CRYGB: variants seen among roughly 807,000 people sequenced by gnomAD.
The protein encoded by CRYGB is gamma-crystallin B.
In CRYGB, 19 loss-of-function variants were observed where a neutral mutation model predicts 21.3. The observed-to-expected ratio is 0.89, with a 90% confidence interval of 0.62 to 1.31. The LOEUF (loss-of-function observed/expected upper bound fraction) is 1.31, where lower values mean the gene tolerates loss of function less well. CRYGB is among the 50% of genes most tolerant of loss of function. The probability of loss-of-function intolerance (pLI) is 0.00; values close to 1 mark genes in which losing one functional copy is unlikely to be tolerated. For synonymous variants in CRYGB, 81 were observed against 81.2 expected (o/e 1.00, Z 0.01); for missense variants, 254 against 228.4 (o/e 1.11, Z -0.72).
chr2:208,143,389 T>A (rs1428923101), intron 2 of CRYGB, among the ~76,000 whole-genome samples: 1 of 152,226 alleles, frequency 6.6e-6, no homozygotes, highest in Non-Finnish European at 1.5e-5. Flanking sequence ...AATGCATCTC[T>A]GATTGCTTCC....
At chr2:208,145,283 A>G (rs62194791) in intron 2 of CRYGB, among the ~76,000 whole-genome samples, 65,899 of 151,294 alleles carry the variant, frequency 0.44, 14,730 homozygotes, top group South Asian at 0.5. Flanking sequence ...TCACTCTGTC[A>G]CCAGGCTGGA....
rs762107192 is a variant in CRYGB, at chr2:208,145,828, G to A, written c.198C>T (p.Tyr66=). ...YFLRRGEYPD[Y]QQWMGLSDSI... is the part of the protein sequence containing the mutation. The stretch of plus-strand genomic sequence containing the variant: ...AGTCGCTGAGGCCCATCCATTGCTG[G>A]TAGTCAGGGTACTCCCCACGCCGCA... Residue 66 remains tyrosine, a synonymous_variant, in exon 2 of 3, where the codon TAC becomes TAT. Coordinates refer to ENST00000260988, the MANE Select transcript of CRYGB (RefSeq NM_005210.4). The A allele has an allele frequency of 8.1e-6, 13 of 1,614,024 alleles. No individual in the cohort carries two copies. The highest frequency in any genetic ancestry group is 1.3e-5 in the African/African-American group (1 of 75,000).
At chr2:208,145,385 T>A (rs1199532556) in intron 2 of CRYGB, among the ~76,000 whole-genome samples, 3 of 151,634 alleles carry the variant, frequency 2.0e-5, no homozygotes, top group African/African-American at 7.3e-5. Flanking sequence ...TAGCTGGGAT[T>A]TAAGAATAAT....
In CRYGB at chr2:208,142,819, C is replaced by T. The variant is rs548066116; in HGVS notation, c.347G>A (p.Arg116His). ...LTDDCISVQDRFHLTEIHSLN... is the reference protein window; with the variant it reads ...LTDDCISVQDHFHLTEIHSLN... ...GGAGTGAATTTCAGTGAGGTGGAAG[C>T]GGTCCTGAACAGAGATACAGTCGTC... The change falls in exon 3 of 3, where the codon CGC (arginine) becomes CAC (histidine). Residue 116 changes from arginine (R) to histidine (H), a missense_variant. Physicochemically the swap from Arg to His is conservative, Grantham distance 29 (BLOSUM62 0). Coordinates refer to ENST00000260988, the MANE Select transcript of CRYGB (RefSeq NM_005210.4). 1.4e-5 allele frequency: 22 copies of T among 1,614,166 alleles called. No homozygotes were observed. The African/African-American group carries it at 1.5e-4, about 11-fold the overall frequency.
Position 208,142,905 on chromosome 2 carries a change from G to A in CRYGB, c.261C>T (p.Gly87=), listed in dbSNP as rs879516581. 4 of 1,599,988 alleles carry A rather than the reference G, an allele frequency of 2.5e-6. No individual in the cohort carries two copies. Among genetic ancestry groups the A allele is most frequent in the African/African-American group, 1.3e-5 (1 of 74,420 alleles). Residue 87 remains glycine, a synonymous_variant, in exon 3 of 3, where the codon GGC becomes GGT. Transcript: ENST00000260988. ...RSCCLIPPHS[G]AYRMKIYDRD... The stretch of plus-strand genomic sequence containing the variant: ...TGTCGTAGATCTTCATTCTGTAAGC[G>A]CCAGAGTGCTGGAGTGGCAGACAGA...
intron 2 of CRYGB, among the ~76,000 whole-genome samples, chr2:208,143,202 G>C (rs1695389036): frequency 6.6e-6 from 1 of 152,172 alleles, no homozygotes; most frequent in South Asian, 2.1e-4. Context: ...TCTCAAAGGA[G>C]AAAACTGAGA....
At position 208,142,835 on chromosome 2, in the gene CRYGB, T is replaced by G. The variant is rs796287; in HGVS notation, c.331A>C (p.Ile111Leu). The G allele has an allele frequency of 0.72, 1,167,097 of 1,613,576 alleles. 424,582 individuals are homozygous for G. Among genetic ancestry groups the G allele is most frequent in the Non-Finnish European group, 0.74 (877,645 of 1,179,842 alleles). Residue 111 changes from isoleucine to leucine, a missense_variant, in exon 3 of 3, where the codon ATC (isoleucine) becomes CTC (leucine). Transcript: ENST00000260988. ...GQMSELTDDC[I>L]SVQDRFHLTE... is the part of the protein sequence containing the mutation. The stretch of plus-strand genomic sequence containing the variant: ...AGGTGGAAGCGGTCCTGAACAGAGA[T>G]ACAGTCGTCTGTGAGCTCTGACATT...
chr2:208,145,568 A>G, intron 2 of CRYGB, among the ~76,000 whole-genome samples: 1 of 151,434 alleles, frequency 6.6e-6, no homozygotes, highest in Non-Finnish European at 1.5e-5. Context: ...GCATGCCTGT[A>G]ATCCCAACTA....
At chr2:208,143,026 G>T in intron 2 of CRYGB, 113 bp from the exon 3 acceptor site, 6 of 1,237,748 alleles carry the variant, frequency 4.8e-6, no homozygotes, top group Non-Finnish European at 6.6e-6. Flanking sequence ...CCCAGGCCAA[G>T]TTTGCTTCTA....
chr2:208,145,753 C>A, intron 2 of CRYGB, 21 bp downstream of exon 2: 1 of 1,574,946 alleles, frequency 6.3e-7, no homozygotes, highest in South Asian at 1.1e-5. Context: ...AGATGGAAGG[C>A]AAAGACAGAG....
At chr2:208,144,338 TTGAC>T (rs1323671598) in intron 2 of CRYGB, among the ~76,000 whole-genome samples, 1 of 151,922 alleles carries the variant, frequency 6.6e-6, no homozygotes, top group Non-Finnish European at 1.5e-5. Context: ...ACTTTCTAAA[TTGAC>T]TGAGACCTGT....
chr2:208,143,170 G>A (rs968256250), intron 2 of CRYGB, among the ~76,000 whole-genome samples: 10 of 152,176 alleles, frequency 6.6e-5, no homozygotes, highest in African/African-American at 2.4e-4. Context: ...TCACTTTAGT[G>A]CCTGTTATTT....
intron 2 of CRYGB, among the ~76,000 whole-genome samples, chr2:208,144,737 C>T (rs868413199): frequency 3.6e-4 from 54 of 151,978 alleles, no homozygotes; most frequent in Middle Eastern, 3.4e-3. Flanking sequence ...ACTACAGGCG[C>T]GTGCCACCAA....
Position 208,142,751 on chromosome 2 carries a change from TG to T in CRYGB, c.414del (p.Asn139ThrfsTer9), listed in dbSNP as rs1695376720. On this transcript the variant is annotated frameshift_variant, in exon 3 of 3. Transcript: ENST00000260988. LOFTEE classifies it high-confidence loss of function. Reference sequence around the variant, plus strand: ...AGCAGATACTGCCTCCCCCTGTAGTTGGGCATCTCATAGAGGATCCAGCTGC... The same window carrying T: ...AGCAGATACTGCCTCCCCCTGTAGTTGGCATCTCATAGAGGATCCAGCTGC... ...LEGSWILYEM[P>X]NYRGRQYLLR... 6 of 1,614,024 alleles carry T rather than the reference TG, an allele frequency of 3.7e-6. No individual in the cohort carries two copies. Among genetic ancestry groups the T allele is most frequent in the Non-Finnish European group, 5.1e-6 (6 of 1,180,022 alleles).
At chr2:208,143,198 A>G (rs578070100) in intron 2 of CRYGB, among the ~76,000 whole-genome samples, 117 of 152,360 alleles carry the variant, frequency 7.7e-4, no homozygotes, top group African/African-American at 2.7e-3. Context: ...CCTTTCTCAA[A>G]GGAGAAAACT....
chr2:208,142,774 C>T lies in CRYGB; in HGVS notation c.392G>A (p.Ser131Asn). Residue 131 changes from serine to asparagine, a missense_variant, in exon 3 of 3, where the codon AGC (serine) becomes AAC (asparagine). Transcript: ENST00000260988. ...EIHSLNVLEG[S>N]WILYEMPNYR... Reference sequence around the variant, plus strand: ...GTTGGGCATCTCATAGAGGATCCAGCTGCCCTCCAGCACATTGAGGGAGTG... The same window carrying T: ...GTTGGGCATCTCATAGAGGATCCAGTTGCCCTCCAGCACATTGAGGGAGTG... The T allele has an allele frequency of 1.2e-6, 2 of 1,614,166 alleles. No individual in the cohort carries two copies. The highest frequency in any genetic ancestry group is 1.7e-6 in the Non-Finnish European group (2 of 1,180,032).
intron 2 of CRYGB, 41 bp downstream of exon 2, chr2:208,145,733 A>C: frequency 6.6e-7 from 1 of 1,512,550 alleles, no homozygotes; most frequent in Non-Finnish European, 8.8e-7. Flanking sequence ...AATAGCTTTT[A>C]TTTCCAAAAA....
intron 2 of CRYGB, among the ~76,000 whole-genome samples, chr2:208,144,931 C>G (rs1446323279): frequency 6.6e-6 from 1 of 152,124 alleles, no homozygotes; most frequent in Admixed American, 6.5e-5. Context: ...TTCTAGCCTC[C>G]TGCTCTCAAC....
chr2:208,143,102 A>G (rs1444070014), intron 2 of CRYGB, among the ~76,000 whole-genome samples, 189 bp from the exon 3 acceptor site: 1 of 152,220 alleles, frequency 6.6e-6, no homozygotes, highest in Non-Finnish European at 1.5e-5. Flanking sequence ...GAGTCTAATG[A>G]TTCATGGGCA....
Sources: allele counts gnomAD v4.1 joint callset (sites outside exome capture counted in the v4.1 genomes callset), GRCh38; gene constraint gnomAD v4.1.1; transcripts MANE v1.5; gene names NCBI Gene and HGNC (gene_info 2026-07-23, HGNC 2026-07-21).